LHFPL3: variants seen among roughly 807,000 people sequenced by gnomAD.
LHFPL3 encodes the protein LHFPL tetraspan subfamily member 3 protein.
Under a neutral mutation model 19.3 loss-of-function variants are expected in LHFPL3, and 5 were observed. That is an observed-to-expected ratio of 0.26 (90% CI 0.14 to 0.54). The LOEUF is 0.54. Among genes scored for constraint, LHFPL3 ranks in the 20% least tolerant of loss-of-function variants. LHFPL3 has a pLI of 0.94. For missense variants in LHFPL3, 249 were observed against 307.4 expected, an observed-to-expected ratio of 0.81 and a Z score of 1.42; for synonymous variants, 133 against 126.2, an observed-to-expected ratio of 1.05 and a Z score of -0.36.
chr7:104,457,965 TG>T (rs894012959), intron 1 of LHFPL3, among the ~76,000 whole-genome samples: 23 of 144,794 alleles, frequency 1.6e-4, no homozygotes, highest in East Asian at 1.1e-3. Context: ...TGGGGTTGTT[TG>T]TTTTTTTCTT....
chr7:104,643,269 T>C (rs1378024966), intron 1 of LHFPL3, among the ~76,000 whole-genome samples: 1 of 152,196 alleles, frequency 6.6e-6, no homozygotes, highest in African/African-American at 2.4e-5. Context: ...AGGGACATGG[T>C]AAATAAAAAT....
rs1801521279 is a variant in LHFPL3, at chr7:104,329,175, C to G, written c.396C>G (p.Cys132Trp). The change falls in exon 1 of 3, where the codon TGC becomes TGG. Residue 132 changes from cysteine (C) to tryptophan (W), a missense_variant. Transcript: ENST00000424859. ...TTTGCTTTACCCTCTTCTTCTTCTG[C>G]AACACGGCCACTGTGTACAAGATAT... Reference protein sequence around the residue: ...CIICFTLFFFCNTATVYKICA... With the variant: ...CIICFTLFFFWNTATVYKICA... 1.9e-6 allele frequency: 3 copies of G among 1,613,900 alleles called. No individual in the cohort carries two copies. The highest frequency in any genetic ancestry group is 1.3e-5 in the African/African-American group (1 of 74,964).
At chr7:104,329,304 G>GGGCT in intron 1 of LHFPL3, 80 bp downstream of exon 1, 1 of 1,484,192 alleles carries the variant, frequency 6.7e-7, no homozygotes, top group Non-Finnish European at 9.0e-7. Context: ...GGAGGGACGG[G>GGGCT]GGCTGTGCGC....
intron 1 of LHFPL3, among the ~76,000 whole-genome samples, chr7:104,659,495 G>T (rs1256980228): frequency 6.6e-6 from 1 of 152,164 alleles, no homozygotes; most frequent in Non-Finnish European, 1.5e-5. Flanking sequence ...CACCTTTCAG[G>T]AGTACTCCAT....
At chr7:104,870,004 C>G (rs933572989) in intron 2 of LHFPL3, among the ~76,000 whole-genome samples, 1 of 151,776 alleles carries the variant, frequency 6.6e-6, no homozygotes, top group South Asian at 2.1e-4. Flanking sequence ...AAAAACCAAA[C>G]GCCGCATGTT....
chr7:104,902,739 T>C (rs1323978836), intron 2 of LHFPL3, among the ~76,000 whole-genome samples: 1 of 152,090 alleles, frequency 6.6e-6, no homozygotes, highest in African/African-American at 2.4e-5. Flanking sequence ...TGAGCCGAGA[T>C]CACGCCACTG....
chr7:104,386,341 A>G (rs1382780392), intron 1 of LHFPL3, among the ~76,000 whole-genome samples: 2 of 152,208 alleles, frequency 1.3e-5, no homozygotes, highest in Non-Finnish European at 2.9e-5. Context: ...CACTATACCT[A>G]GGGAGTTTGT....
At chr7:104,584,892 G>T (rs1416690491) in intron 1 of LHFPL3, among the ~76,000 whole-genome samples, 1 of 152,152 alleles carries the variant, frequency 6.6e-6, no homozygotes, top group Non-Finnish European at 1.5e-5. Context: ...ACTAAGAACT[G>T]TTGAAATCCA....
chr7:104,782,682 A>G (rs964754835), intron 2 of LHFPL3, among the ~76,000 whole-genome samples: 1 of 152,174 alleles, frequency 6.6e-6, no homozygotes, highest in Non-Finnish European at 1.5e-5. Context: ...AACCACTTTA[A>G]CAGCTTCCCA....
At chr7:104,566,614 C>G (rs1364285726) in intron 1 of LHFPL3, among the ~76,000 whole-genome samples, 1 of 152,124 alleles carries the variant, frequency 6.6e-6, no homozygotes, top group Admixed American at 6.5e-5. Context: ...TGACCCTTGT[C>G]CTGATCTCTT....
chr7:104,668,181 G>C, intron 1 of LHFPL3: 1 of 1,613,914 alleles, frequency 6.2e-7, no homozygotes, highest in Non-Finnish European at 8.5e-7. Flanking sequence ...TGCTGAATTT[G>C]AGGACCTGGA....
chr7:104,461,387 G>A (rs997206619), intron 1 of LHFPL3, among the ~76,000 whole-genome samples: 23 of 152,164 alleles, frequency 1.5e-4, no homozygotes, highest in Admixed American at 1.1e-3. Context: ...TGTATATGGT[G>A]TAAGGAAGGG....
Position 104,568,082 on chromosome 7 carries a change from C to T in LHFPL3, c.446-168593C>T, listed in dbSNP as rs10261414. 7.0e-4 allele frequency among the ~76,000 whole-genome samples: 106 copies of T among 152,208 alleles called. 1 individual carries two copies. Among genetic ancestry groups the T allele is most frequent in the African/African-American group, 2.3e-3 (95 of 41,514 alleles). ...TTTAAATTACCCTCCTCTTCAGTTC[C>T]GCACCTCTCCTATGGACTCTTAAGG... is the stretch of plus-strand genomic sequence containing the variant. On this transcript the variant is annotated intron_variant, in intron 1 of 2. Coordinates refer to ENST00000424859, the MANE Select transcript of LHFPL3 (RefSeq NM_199000.3).
intron 1 of LHFPL3, among the ~76,000 whole-genome samples, chr7:104,507,130 T>C (rs540920400): frequency 2.6e-5 from 4 of 152,260 alleles, no homozygotes; most frequent in African/African-American, 7.2e-5. Context: ...TAACACCAAA[T>C]ACATTAGGAA....
chr7:104,588,790 T>C (rs983931651), intron 1 of LHFPL3, among the ~76,000 whole-genome samples: 3 of 152,088 alleles, frequency 2.0e-5, no homozygotes, highest in Non-Finnish European at 2.9e-5. Context: ...TCTTTTATTT[T>C]GTTGAGCAGT....
At chr7:104,626,127 T>G (rs541628655) in intron 1 of LHFPL3, among the ~76,000 whole-genome samples, 22 of 152,348 alleles carry the variant, frequency 1.4e-4, no homozygotes, top group African/African-American at 5.3e-4. Flanking sequence ...ATGTAATTTT[T>G]TCACTTTAAT....
intron 1 of LHFPL3, among the ~76,000 whole-genome samples, chr7:104,651,754 G>GA (rs1257205021): frequency 1.3e-5 from 2 of 152,200 alleles, no homozygotes; most frequent in Non-Finnish European, 2.9e-5. Flanking sequence ...TCTTGCCCAT[G>GA]AAGCACATCA....
At chr7:104,724,688 C>CCAGG (rs1793559089) in intron 1 of LHFPL3, among the ~76,000 whole-genome samples, 1 of 152,104 alleles carries the variant, frequency 6.6e-6, no homozygotes, top group Non-Finnish European at 1.5e-5. Context: ...ATGAAATAAT[C>CCAGG]TGTACAACAA....
intron 1 of LHFPL3, among the ~76,000 whole-genome samples, chr7:104,365,801 A>AAAAAAAAAAAAAAAAAAAAAG (rs893610992): frequency 1.4e-5 from 2 of 142,302 alleles, no homozygotes; most frequent in African/African-American, 5.2e-5. Flanking sequence ...AAAAAAAAAA[A>AAAAAAAAAAAAAAAAAAAAAG]AAAAGAAAAG....
Sources: allele counts gnomAD v4.1 joint callset (sites outside exome capture counted in the v4.1 genomes callset), GRCh38; gene constraint gnomAD v4.1.1; transcripts MANE v1.5; gene names NCBI Gene and HGNC (gene_info 2026-07-23, HGNC 2026-07-21).